The following WNT7A variants were observed in gnomAD, a reference collection of about 807,000 sequenced individuals.
WNT7A encodes Wnt family member 7A.
A neutral mutation model predicts 28.2 loss-of-function variants in WNT7A; 16 were observed. The observed-to-expected ratio is 0.57, with a 90% CI of 0.38 to 0.86. WNT7A has a LOEUF of 0.86. WNT7A is among the 40% of genes least tolerant of loss of function. The pLI is 0.00. For synonymous variants in WNT7A, 190 were observed against 195.9 expected (o/e 0.97, Z 0.25); for missense variants, 411 against 489.7 (o/e 0.84, Z 1.52).
chr3:13,834,647 C>T lies in WNT7A; in HGVS notation c.571-15224G>A, dbSNP rs145011433. On this transcript the variant is annotated intron_variant, in intron 3 of 3. Transcript: ENST00000285018. ...TGCCTCTGGGCCTTTGCACCTGCTG[C>T]CCTTCTGCCTTGGGGTACTCTTCCC... Among the ~76,000 whole-genome samples the T allele has an allele frequency of 3.0e-3, 454 of 152,272 alleles. 3 individuals carry two copies. Among genetic ancestry groups the T allele is most frequent in the African/African-American group, 9.9e-3 (412 of 41,538 alleles).
chr3:13,864,933 C>A (rs1449751796), intron 2 of WNT7A, among the ~76,000 whole-genome samples: 1 of 152,216 alleles, frequency 6.6e-6, no homozygotes, highest in Non-Finnish European at 1.5e-5. Flanking sequence ...ATGGATTTCG[C>A]TGCCCATGGC....
chr3:13,831,125 G>A (rs1694274725), intron 3 of WNT7A, among the ~76,000 whole-genome samples: 1 of 152,116 alleles, frequency 6.6e-6, no homozygotes, highest in Non-Finnish European at 1.5e-5. Context: ...CAATTTCTCG[G>A]CCTAGGGCTC....
chr3:13,850,214 C>T (rs80241792), intron 3 of WNT7A, among the ~76,000 whole-genome samples: 3,280 of 152,258 alleles, frequency 0.022, 153 homozygotes, highest in South Asian at 0.18. Flanking sequence ...CAGTCAGCTT[C>T]GGGCTGGGCG....
chr3:13,858,292 G>A (rs1694779460), intron 2 of WNT7A, among the ~76,000 whole-genome samples: 2 of 152,248 alleles, frequency 1.3e-5, no homozygotes, highest in Admixed American at 6.5e-5. Context: ...AGCCTGGCCT[G>A]TCCTCAAAGA....
chr3:13,826,239 G>C (rs1468140489), intron 3 of WNT7A, among the ~76,000 whole-genome samples: 1 of 152,172 alleles, frequency 6.6e-6, no homozygotes, highest in Non-Finnish European at 1.5e-5. Context: ...CTCTGAGCTT[G>C]TGATTCCAAA....
In WNT7A at chr3:13,818,673, A is replaced by G; in HGVS notation, c.*271T>C. ...TTGCTGTGATGAGGCCCAGGGGTCC[A>G]GAGTTCCTGCTGCAGAAGGCTTCGC... On this transcript the variant is annotated 3_prime_UTR_variant, in exon 4 of 4. Transcript: ENST00000285018. The G allele has an allele frequency of 3.0e-6, 1 of 328,738 alleles. No homozygotes were observed. Among genetic ancestry groups the G allele is most frequent in the East Asian group, 5.0e-5 (1 of 19,866 alleles). 20.4% of individuals were successfully genotyped at this position (328,738 alleles called of 1,614,324 possible).
intron 2 of WNT7A, among the ~76,000 whole-genome samples, chr3:13,868,849 T>TGA (rs1165748428): frequency 2.2e-4 from 9 of 40,556 alleles, no homozygotes; most frequent in African/African-American, 4.9e-4. Flanking sequence ...AGAGAGAAAG[T>TGA]GAGAGAGAGA....
chr3:13,866,068 C>T (rs534422771), intron 2 of WNT7A, among the ~76,000 whole-genome samples: 7 of 152,148 alleles, frequency 4.6e-5, no homozygotes, highest in Non-Finnish European at 1.0e-4. Context: ...GACAGGTTGC[C>T]CACTATCACT....
intron 3 of WNT7A, among the ~76,000 whole-genome samples, chr3:13,845,172 C>T (rs1297358583): frequency 2.0e-5 from 3 of 152,214 alleles, no homozygotes; most frequent in Non-Finnish European, 1.5e-5. Context: ...AATCAGATGG[C>T]CAGCATCTGG....
chr3:13,844,701 T>C (rs182600218), intron 3 of WNT7A, among the ~76,000 whole-genome samples: 2 of 152,298 alleles, frequency 1.3e-5, no homozygotes, highest in African/African-American at 4.8e-5. Flanking sequence ...GGAGGTAATT[T>C]AAAGAAGTGC....
chr3:13,843,296 A>G (rs1322149014), intron 3 of WNT7A, among the ~76,000 whole-genome samples: 1 of 152,228 alleles, frequency 6.6e-6, no homozygotes, highest in Non-Finnish European at 1.5e-5. Flanking sequence ...CCAAGCACTC[A>G]TCATGCCTGA....
At position 13,867,381 on chromosome 3, in the gene WNT7A, C is replaced by A. The variant is rs1477412808; in HGVS notation, c.298+7566G>T. On this transcript the variant is annotated intron_variant, in intron 2 of 3. Coordinates refer to ENST00000285018, the MANE Select transcript of WNT7A (RefSeq NM_004625.4). The stretch of plus-strand genomic sequence containing the variant: ...CTTGAGAATCTCTGGCAGGATCACA[C>A]AAACAGAAGAATCCCTCTAGCAAGG... Among the ~76,000 whole-genome samples, 3 of 152,166 alleles carry A rather than the reference C, an allele frequency of 2.0e-5. No individual in the cohort carries two copies. In the East Asian group the frequency reaches 5.8e-4, roughly 29 times the overall value.
intron 2 of WNT7A, among the ~76,000 whole-genome samples, chr3:13,871,063 C>A (rs1024256431): frequency 1.3e-5 from 2 of 152,204 alleles, no homozygotes; most frequent in African/African-American, 2.4e-5. Context: ...GGTCTCATGT[C>A]CACTCTGAAT....
intron 1 of WNT7A, 80 bp from the exon 2 acceptor site, chr3:13,875,253 A>G: frequency 6.9e-7 from 1 of 1,451,132 alleles, no homozygotes; most frequent in Non-Finnish European, 9.6e-7. Flanking sequence ...GGTGTCCAGC[A>G]CTGGCCACCC....
At chr3:13,831,650 CT>C (rs1397420410) in intron 3 of WNT7A, among the ~76,000 whole-genome samples, 1 of 152,174 alleles carries the variant, frequency 6.6e-6, no homozygotes, top group East Asian at 1.9e-4. Context: ...CTGCCCTCCC[CT>C]GATGGGAGCT....
chr3:13,856,880 G>GGAAGAAGAAGAAAAAGAAGAAGAAGAA (rs1244397238), intron 2 of WNT7A, among the ~76,000 whole-genome samples: 2 of 91,672 alleles, frequency 2.2e-5, no homozygotes, highest in African/African-American at 9.5e-5. Context: ...AGGAAGAAGA[G>GGAAGAAGAAGAAAAAGAAGAAGAAGAA]GAAGAAGAAG....
At chr3:13,831,330 T>A (rs1694277486) in intron 3 of WNT7A, among the ~76,000 whole-genome samples, 1 of 152,146 alleles carries the variant, frequency 6.6e-6, no homozygotes, top group Non-Finnish European at 1.5e-5. Context: ...TTGACCATCA[T>A]CAGCCCATTT....
Position 13,874,096 on chromosome 3 carries a change from G to A in WNT7A, c.298+851C>T, listed in dbSNP as rs574192755. 4.6e-5 allele frequency among the ~76,000 whole-genome samples: 7 copies of A among 152,310 alleles called. No homozygotes were observed. The South Asian group carries it at 1.5e-3, about 32-fold the overall frequency. ...CGTGGGACAGCCTGGGAGCCCAGAT[G>A]TGACAGCAGTGTGACCTGAGGAGGA... On this transcript the variant is annotated intron_variant, in intron 2 of 3. Transcript: ENST00000285018.
At chr3:13,839,980 T>A (rs1328876884) in intron 3 of WNT7A, among the ~76,000 whole-genome samples, 1 of 152,116 alleles carries the variant, frequency 6.6e-6, no homozygotes, top group African/African-American at 2.4e-5. Flanking sequence ...GGGTTCAATG[T>A]CCTCCGCAGG....
Sources: gnomAD v4.1 joint callset for allele counts (sites outside exome capture counted in the v4.1 genomes callset) on GRCh38, gnomAD v4.1.1 for gene constraint, MANE v1.5 for transcripts, NCBI Gene and HGNC (gene_info 2026-07-23, HGNC 2026-07-21) for gene names.